Variants in SPDEF observed in about 807,000 individuals in gnomAD.
SPDEF encodes SAM pointed domain-containing Ets transcription factor.
A neutral mutation model predicts 36.0 loss-of-function variants in SPDEF; 12 were observed. The observed-to-expected ratio is 0.33, with a 90% CI of 0.21 to 0.54. The LOEUF (loss-of-function observed/expected upper bound fraction) is 0.54, where lower values mean the gene tolerates loss of function less well. Among genes scored for constraint, SPDEF ranks in the 20% least tolerant of loss-of-function variants. The probability of loss-of-function intolerance (pLI) is 0.93; values close to 1 mark genes in which losing one functional copy is unlikely to be tolerated. For synonymous variants in SPDEF, 205 were observed against 193.0 expected, an observed-to-expected ratio of 1.06 and a Z score of -0.51; for missense variants, 388 against 456.9, an observed-to-expected ratio of 0.85 and a Z score of 1.37.
Position 34,552,262 on chromosome 6 carries a change from G to A in SPDEF, c.-30+3667C>T, listed in dbSNP as rs928290337. Among the ~76,000 whole-genome samples, 1 of 152,178 alleles carries A rather than the reference G, an allele frequency of 6.6e-6. No individual in the cohort carries two copies. Among genetic ancestry groups the A allele is most frequent in the African/African-American group, 2.4e-5 (1 of 41,466 alleles). On this transcript the variant is annotated intron_variant, in intron 1 of 5. Coordinates refer to ENST00000374037, the MANE Select transcript of SPDEF (RefSeq NM_012391.3). The surrounding 1 kb of genome is among the most constrained non-coding windows in gnomAD (Gnocchi z 4.6). ...GCTTGCCACAGGACAGGGGTCGTGA[G>A]GTTTCCTGGGTCTCTTGCTCCCCAC...
rs1389866142 is a variant in SPDEF at position 34,539,137 on chromosome 6, G to A, written c.829+113C>T. The A allele has an allele frequency of 8.0e-7, 1 of 1,253,158 alleles. No homozygotes were observed. The highest frequency in any genetic ancestry group is 1.5e-5 in the African/African-American group (1 of 67,016). The allele number at this position is 1,253,158 out of a possible 1,614,324, so 77.6% of individuals were successfully genotyped here. On this transcript the variant is annotated intron_variant, in intron 5 of 5. Transcript: ENST00000374037. This position sits in a 1 kb window ranked among gnomAD's most constrained non-coding sequence, Gnocchi z 5.2. Reference sequence around the variant, plus strand: ...ATATTTGGCATCTAGGACAAAGGTGGGGATCAGCTTCACCCCTCTGCCCGC... The same window carrying A: ...ATATTTGGCATCTAGGACAAAGGTGAGGATCAGCTTCACCCCTCTGCCCGC...
chr6:34,545,168 G>T (rs935821472), intron 1 of SPDEF, among the ~76,000 whole-genome samples: 1 of 152,206 alleles, frequency 6.6e-6, no homozygotes, highest in South Asian at 2.1e-4. Context: ...CAGGCTGGGT[G>T]CATGGTACCC....
chr6:34,553,282 T>C (rs1003189981), intron 1 of SPDEF, among the ~76,000 whole-genome samples: 4 of 151,980 alleles, frequency 2.6e-5, no homozygotes, highest in African/African-American at 9.7e-5. Context: ...ACATGCAAAC[T>C]AGCCAGGAGA....
At position 34,539,388 on chromosome 6, in the gene SPDEF, T is replaced by C; in HGVS notation, c.691A>G (p.Ser231Gly). The C allele has an allele frequency of 1.9e-6, 3 of 1,613,620 alleles. No individual in the cohort carries two copies. The South Asian group carries it at 3.3e-5, about 18-fold the overall frequency. Residue 231 changes from serine (S) to glycine (G), a missense_variant, in exon 5 of 6, where the codon AGT becomes GGT. By Grantham distance (56) the Ser-to-Gly change is moderately conservative (BLOSUM62 0). Coordinates refer to ENST00000374037, the MANE Select transcript of SPDEF (RefSeq NM_012391.3). This position sits in a 1 kb window ranked among gnomAD's most constrained non-coding sequence, Gnocchi z 5.2. ...TCGCTGTCGGTCCAGCTCTCCTCAC[T>C]GGTCGAGGCTGGGTGGCCAGGGAGG... is the stretch of plus-strand genomic sequence containing the variant. ...PGAIHYCAST[S>G]EESWTDSEVD...
At chr6:34,545,535 G>A (rs925631301) in intron 1 of SPDEF, among the ~76,000 whole-genome samples, 2 of 152,272 alleles carry the variant, frequency 1.3e-5, no homozygotes, top group Non-Finnish European at 2.9e-5. Flanking sequence ...TGGGTGAGAA[G>A]GGGGACTGGA....
rs953091500 is a variant in SPDEF, at chr6:34,552,542, C to T, written c.-30+3387G>A. Among the ~76,000 whole-genome samples, 1 of 152,198 alleles carries T rather than the reference C, an allele frequency of 6.6e-6. No individual in the cohort carries two copies. Among genetic ancestry groups the T allele is most frequent in the Non-Finnish European group, 1.5e-5 (1 of 68,038 alleles). On this transcript the variant is annotated intron_variant, in intron 1 of 5. Coordinates refer to ENST00000374037, the MANE Select transcript of SPDEF (RefSeq NM_012391.3). This position sits in a 1 kb window ranked among gnomAD's most constrained non-coding sequence, Gnocchi z 4.6. ...GCTGTCTCCATCTGCCGTGTTTCTG[C>T]GGCCCCTCCAGACCCAGCACAGGCC...
At position 34,539,538 on chromosome 6, in the gene SPDEF, G is replaced by T; in HGVS notation, c.659C>A (p.Ser220Ter). The part of the protein sequence containing the change: ...KSAAWMKERT[S>*]PGAIHYCAST... ...ACCACAGTAGTGAATCGCCCCAGGT[G>T]AAGTCCGCTCTTTCATCCAGGCCGC... The change falls in exon 4 of 6, where the codon TCA becomes TAA. Residue 220 changes from serine (S) to a stop codon, truncating the protein, a stop_gained. Coordinates refer to ENST00000374037, the MANE Select transcript of SPDEF (RefSeq NM_012391.3). LOFTEE classifies it high-confidence loss of function. This position sits in a 1 kb window ranked among gnomAD's most constrained non-coding sequence, Gnocchi z 5.2. 1 of 1,574,022 alleles carries T rather than the reference G, an allele frequency of 6.4e-7. No homozygotes were observed.
chr6:34,542,870 T>C (rs1042542633), intron 2 of SPDEF, among the ~76,000 whole-genome samples: 3 of 117,808 alleles, frequency 2.5e-5, no homozygotes, highest in Admixed American at 1.1e-4. Context: ...GCCTCAGTGA[T>C]AGAGCGAGAC....
At chr6:34,546,951 G>T (rs1298503604) in intron 1 of SPDEF, among the ~76,000 whole-genome samples, 1 of 151,922 alleles carries the variant, frequency 6.6e-6, no homozygotes, top group South Asian at 2.1e-4. Flanking sequence ...CACCCTGCCT[G>T]GTGCCCATGC....
In SPDEF at chr6:34,552,543, G is replaced by A. The variant is rs779257335; in HGVS notation, c.-30+3386C>T. 1.3e-5 allele frequency among the ~76,000 whole-genome samples: 2 copies of A among 152,136 alleles called. No individual in the cohort carries two copies. The highest frequency in any genetic ancestry group is 2.9e-5 in the Non-Finnish European group (2 of 68,020). ...CTGTCTCCATCTGCCGTGTTTCTGCGGCCCCTCCAGACCCAGCACAGGCCA... is the reference window on the plus strand; with the variant it reads ...CTGTCTCCATCTGCCGTGTTTCTGCAGCCCCTCCAGACCCAGCACAGGCCA... On this transcript the variant is annotated intron_variant, in intron 1 of 5. Transcript: ENST00000374037. This position sits in a 1 kb window ranked among gnomAD's most constrained non-coding sequence, Gnocchi z 4.6.
intron 2 of SPDEF, among the ~76,000 whole-genome samples, chr6:34,541,841 C>T (rs999719542): frequency 3.9e-5 from 6 of 152,006 alleles, no homozygotes; most frequent in Non-Finnish European, 8.8e-5. Flanking sequence ...AGATGTCCCC[C>T]TGGGGTGCTG....
chr6:34,544,787 G>A lies in SPDEF; in HGVS notation c.-29-303C>T, dbSNP rs138579126. On this transcript the variant is annotated intron_variant, in intron 1 of 5. Coordinates refer to ENST00000374037, the MANE Select transcript of SPDEF (RefSeq NM_012391.3). This position sits in a 1 kb window ranked among gnomAD's most constrained non-coding sequence, Gnocchi z 4.4. ...TACTGTGCTTAAAACAGCCTTCTGAGGTTCCTGACCTCATTCAGCCCTCAC... is the reference window on the plus strand; with the variant it reads ...TACTGTGCTTAAAACAGCCTTCTGAAGTTCCTGACCTCATTCAGCCCTCAC... 3.7e-3 allele frequency among the ~76,000 whole-genome samples: 570 copies of A among 152,332 alleles called. 3 individuals carry two copies. Among genetic ancestry groups the A allele is most frequent in the Non-Finnish European group, 5.5e-3 (375 of 68,034 alleles).
intron 1 of SPDEF, among the ~76,000 whole-genome samples, chr6:34,547,757 G>A (rs79057416): frequency 0.066 from 10,110 of 152,098 alleles, 718 homozygotes; most frequent in African/African-American, 0.17. Context: ...CTCCTGGCTC[G>A]GGCTCCTTCA....
intron 3 of SPDEF, 109 bp downstream of exon 3, chr6:34,540,875 A>G (rs1767802878): frequency 1.0e-6 from 1 of 1,000,704 alleles, no homozygotes; most frequent in South Asian, 1.6e-5. Context: ...AGTGGAGTCC[A>G]GTTGGGGGCC....
chr6:34,548,651 T>C (rs1768000347), intron 1 of SPDEF, among the ~76,000 whole-genome samples: 1 of 152,176 alleles, frequency 6.6e-6, no homozygotes, highest in South Asian at 2.1e-4. Flanking sequence ...GGGATTGACA[T>C]AGTGACCACA....
Position 34,544,045 on chromosome 6 carries a change from G to T in SPDEF, c.411C>A (p.Ala137=), listed in dbSNP as rs938715579. ...VGEVLKDIET[A]CKLLNITADP... ...CTGCGGTGATGTTGAGCAGCTTGCA[G>T]GCCGTCTCGATGTCCTTGAGCACTT... Residue 137 remains alanine, a synonymous_variant, in exon 2 of 6, where the codon GCC becomes GCA. Transcript: ENST00000374037. This position sits in a 1 kb window ranked among gnomAD's most constrained non-coding sequence, Gnocchi z 4.4. 6.2e-7 allele frequency: 1 copy of T among 1,611,980 alleles called. No homozygotes were observed. Among genetic ancestry groups the T allele is most frequent in the Non-Finnish European group, 8.5e-7 (1 of 1,179,340 alleles).
chr6:34,538,218 C>T lies in SPDEF; in HGVS notation c.*56G>A. 2.6e-6 allele frequency: 4 copies of T among 1,547,376 alleles called. No individual in the cohort carries two copies. Among genetic ancestry groups the T allele is most frequent in the Non-Finnish European group, 3.5e-6 (4 of 1,132,324 alleles). ...CCCCCATCTCAGGGCCTGGCTGAGG[C>T]AGGGCAGGCAGGAGAGAGGCCCCTG... On this transcript the variant is annotated 3_prime_UTR_variant, in exon 6 of 6. Coordinates refer to ENST00000374037, the MANE Select transcript of SPDEF (RefSeq NM_012391.3). The surrounding 1 kb of genome is among the most constrained non-coding windows in gnomAD (Gnocchi z 5.9).
chr6:34,544,054 G>C lies in SPDEF; in HGVS notation c.402C>G (p.Ile134Met), dbSNP rs76762871. Residue 134 changes from isoleucine to methionine, a missense_variant, in exon 2 of 6, where the codon ATC becomes ATG. Physicochemically the swap from Ile to Met is conservative, Grantham distance 10. This residue lies in a region of SPDEF where 308 missense variants were observed against 326.1 expected (regional missense o/e 0.94). Transcript: ENST00000374037. This position sits in a 1 kb window ranked among gnomAD's most constrained non-coding sequence, Gnocchi z 4.4. The stretch of plus-strand genomic sequence containing the variant: ...TGTTGAGCAGCTTGCAGGCCGTCTC[G>C]ATGTCCTTGAGCACTTCGCCCACCA... ...SMVVGEVLKD[I>M]ETACKLLNIT... 6.2e-7 allele frequency: 1 copy of C among 1,612,138 alleles called. No individual in the cohort carries two copies. Among genetic ancestry groups the C allele is most frequent in the Non-Finnish European group, 8.5e-7 (1 of 1,179,374 alleles).
At position 34,544,375 on chromosome 6, in the gene SPDEF, G is replaced by C; in HGVS notation, c.81C>G (p.Gly27=). Residue 27 remains glycine (G), a synonymous_variant, in exon 2 of 6, where the codon GGC becomes GGG. Coordinates refer to ENST00000374037, the MANE Select transcript of SPDEF (RefSeq NM_012391.3). This position sits in a 1 kb window ranked among gnomAD's most constrained non-coding sequence, Gnocchi z 4.4. The part of the protein sequence containing the change: ...LLPPDTVSRT[G]LEKAAAGAVG... ...CTGCCCCCGCTGCCGCCTTCTCCAAGCCTGTCCGCGACACCGTGTCGGGGG... is the reference window on the plus strand; with the variant it reads ...CTGCCCCCGCTGCCGCCTTCTCCAACCCTGTCCGCGACACCGTGTCGGGGG... The C allele has an allele frequency of 6.2e-7, 1 of 1,600,382 alleles. No homozygotes were observed. Among genetic ancestry groups the C allele is most frequent in the South Asian group, 1.1e-5 (1 of 90,700 alleles).
Sources: allele counts gnomAD v4.1 joint callset (sites outside exome capture counted in the v4.1 genomes callset), GRCh38; gene constraint gnomAD v4.1.1; regional missense constraint gnomAD v4.1.1; non-coding constraint Gnocchi (gnomAD v3.1); transcripts MANE v1.5; gene names NCBI Gene and HGNC (gene_info 2026-07-23, HGNC 2026-07-21).